Variants in FNBP1 observed in about 807,000 individuals in gnomAD.
FNBP1 encodes formin binding protein 1.
A neutral mutation model predicts 90.6 loss-of-function variants in FNBP1; 26 were observed. The ratio of observed to expected loss-of-function variants is 0.29; its 90% confidence interval spans 0.21 to 0.40. FNBP1 has a LOEUF of 0.40. Among genes scored for constraint, FNBP1 ranks in the 10% least tolerant of loss-of-function variants. The pLI is 1.00. For missense variants in FNBP1, 635 were observed against 768.0 expected (o/e 0.83, Z 2.05); for synonymous variants, 260 against 265.2 (o/e 0.98, Z 0.19).
In FNBP1 at chr9:129,934,481, CTTGAGAA is replaced by C. The variant is rs1318671095; in HGVS notation, c.514-4793_514-4787del. On this transcript the variant is annotated intron_variant, in intron 6 of 16. Coordinates refer to ENST00000446176, the MANE Select transcript of FNBP1 (RefSeq NM_015033.3). ...GTCCAACAGGAAGACAGAATTTAAA[CTTGAGAA>C]TTTTTTGACAAACCCTTGGGAATCT... 2.0e-5 allele frequency among the ~76,000 whole-genome samples: 3 copies of C among 152,112 alleles called. No homozygotes were observed. The East Asian group carries it at 5.8e-4, about 29-fold the overall frequency.
chr9:129,947,283 T>C (rs140042419), intron 6 of FNBP1, among the ~76,000 whole-genome samples: 80 of 151,868 alleles, frequency 5.3e-4, no homozygotes, highest in African/African-American at 1.8e-3. Context: ...TCTACTAAAA[T>C]ACAAAAATTA....
intron 1 of FNBP1, among the ~76,000 whole-genome samples, chr9:130,008,519 A>G (rs747757415): frequency 6.6e-6 from 1 of 152,190 alleles, no homozygotes; most frequent in Non-Finnish European, 1.5e-5. Context: ...TGGCTGCATC[A>G]ACACTGATGA....
intron 2 of FNBP1, among the ~76,000 whole-genome samples, chr9:129,994,454 T>C (rs2053683440): frequency 6.6e-6 from 1 of 152,238 alleles, no homozygotes; most frequent in African/African-American, 2.4e-5. Flanking sequence ...CAGGCTGGTC[T>C]TTCTGTTTCT....
intron 10 of FNBP1, among the ~76,000 whole-genome samples, chr9:129,917,339 T>G (rs765976742): frequency 1.3e-5 from 2 of 152,058 alleles, no homozygotes; most frequent in Non-Finnish European, 2.9e-5. Flanking sequence ...TATTTACTTA[T>G]CAATTTGCTG....
chr9:129,890,554 A>C lies in FNBP1; in HGVS notation c.1847-8T>G, dbSNP rs2034999383. ...GCACTCCCCTCTAGGAATCTACAAC[A>C]CAAAGAGAAACAGAAAGAGAAACTC... On this transcript the variant is annotated splice_polypyrimidine_tract_variant and splice_region_variant and intron_variant, in intron 16 of 16. Transcript: ENST00000446176. The surrounding 1 kb of genome is among the most constrained non-coding windows in gnomAD (Gnocchi z 5.8). 12 of 1,581,020 alleles carry C rather than the reference A, an allele frequency of 7.6e-6. No homozygotes were observed. Among genetic ancestry groups the C allele is most frequent in the Non-Finnish European group, 1.0e-5 (12 of 1,164,204 alleles).
intron 12 of FNBP1, among the ~76,000 whole-genome samples, chr9:129,906,075 G>A (rs1311277224): frequency 1.3e-5 from 2 of 151,776 alleles, no homozygotes; most frequent in Middle Eastern, 3.2e-3. Context: ...TAGAGATGGG[G>A]TTTCTTCATG....
chr9:129,907,161 C>T (rs979260131), intron 12 of FNBP1, among the ~76,000 whole-genome samples: 1 of 152,034 alleles, frequency 6.6e-6, no homozygotes, highest in South Asian at 2.1e-4. Flanking sequence ...TTGGCCCTTG[C>T]ATGGTATATC....
Position 129,978,571 on chromosome 9 carries a change from A to G in FNBP1, c.239T>C (p.Met80Thr). The change falls in exon 4 of 17, where the codon ATG becomes ACG. Residue 80 changes from methionine to threonine, a missense_variant. By Grantham distance (81) the Met-to-Thr change is moderately conservative. Transcript: ENST00000446176. ...CKAFISNLNE[M>T]NDYAGQHEVI... ...TTCATGCTGCCCTGCGTAATCATTCATTTCGTTCAGGTTGGAAATGAAAGC... is the reference window on the plus strand; with the variant it reads ...TTCATGCTGCCCTGCGTAATCATTCGTTTCGTTCAGGTTGGAAATGAAAGC... The G allele has an allele frequency of 6.2e-7, 1 of 1,613,806 alleles. No individual in the cohort carries two copies. The highest frequency in any genetic ancestry group is 8.5e-7 in the Non-Finnish European group (1 of 1,179,848).
chr9:130,001,761 C>T (rs1013010645), intron 1 of FNBP1, among the ~76,000 whole-genome samples: 3 of 150,702 alleles, frequency 2.0e-5, no homozygotes, highest in African/African-American at 7.3e-5. Context: ...TGGTGGCTCA[C>T]GGCTATAATC....
chr9:129,954,924 G>A (rs939625188), intron 6 of FNBP1, among the ~76,000 whole-genome samples: 1 of 152,028 alleles, frequency 6.6e-6, no homozygotes, highest in Non-Finnish European at 1.5e-5. Flanking sequence ...AACCCAGGAG[G>A]TGGAGATTGC....
At chr9:130,011,593 C>T (rs79992972) in intron 1 of FNBP1, among the ~76,000 whole-genome samples, 3,631 of 152,076 alleles carry the variant, frequency 0.024, 150 homozygotes, top group African/African-American at 0.082. Context: ...ACACCAACAC[C>T]TAGATAGCAC....
intron 6 of FNBP1, among the ~76,000 whole-genome samples, chr9:129,939,445 A>G (rs1047915480): frequency 1.3e-5 from 2 of 152,170 alleles, no homozygotes; most frequent in African/African-American, 4.8e-5. Flanking sequence ...ATATACTGTC[A>G]ATGAAGTAAA....
chr9:129,924,483 T>C (rs889274947), intron 9 of FNBP1, among the ~76,000 whole-genome samples: 1 of 152,202 alleles, frequency 6.6e-6, no homozygotes, highest in Non-Finnish European at 1.5e-5. Flanking sequence ...ATATTCTACG[T>C]CCCCAGGTTA....
Position 129,957,293 on chromosome 9 carries a change from C to T in FNBP1, c.513+67G>A. 6.1e-6 allele frequency: 7 copies of T among 1,148,326 alleles called. No homozygotes were observed. Among genetic ancestry groups the T allele is most frequent in the East Asian group, 2.4e-5 (1 of 42,260 alleles). 71.1% of individuals were successfully genotyped at this position (1,148,326 alleles called of 1,614,324 possible). On this transcript the variant is annotated intron_variant, in intron 6 of 16. Coordinates refer to ENST00000446176, the MANE Select transcript of FNBP1 (RefSeq NM_015033.3). The surrounding 1 kb of genome is among the most constrained non-coding windows in gnomAD (Gnocchi z 4.3). ...CCTCAGGTGATCCGCTCACCTCAGC[C>T]TCCCAAAGTGCTGGGATTACAGGCG...
chr9:130,000,601 A>C (rs924281303), intron 1 of FNBP1, among the ~76,000 whole-genome samples: 3 of 152,168 alleles, frequency 2.0e-5, no homozygotes, highest in African/African-American at 7.2e-5. Flanking sequence ...TTTGAATCAC[A>C]TTTGTTTATA....
At chr9:130,021,354 G>A (rs1178830688) in intron 1 of FNBP1, among the ~76,000 whole-genome samples, 2 of 152,234 alleles carry the variant, frequency 1.3e-5, no homozygotes, top group South Asian at 2.1e-4. Context: ...GTTATTTTCA[G>A]CCACATGCTG....
In FNBP1 at chr9:130,042,088, T is replaced by C. The variant is rs1353725949; in HGVS notation, c.24+864A>G. Reference sequence around the variant, plus strand: ...CGGGGACGGCAGGAAAAGAGCTCCATCCACAGCCAGCCCCTCGCCTTTCCG... The same window carrying C: ...CGGGGACGGCAGGAAAAGAGCTCCACCCACAGCCAGCCCCTCGCCTTTCCG... On this transcript the variant is annotated intron_variant, in intron 1 of 16. Coordinates refer to ENST00000446176, the MANE Select transcript of FNBP1 (RefSeq NM_015033.3). This position sits in a 1 kb window ranked among gnomAD's most constrained non-coding sequence, Gnocchi z 5.5. 6.6e-6 allele frequency among the ~76,000 whole-genome samples: 1 copy of C among 151,856 alleles called. No homozygotes were observed. The highest frequency in any genetic ancestry group is 1.5e-5 in the Non-Finnish European group (1 of 67,958).
rs371356512 is a variant in FNBP1, at chr9:129,997,181, G to A, written c.25-2223C>T. ...CTCTACTAAAAATACAAAAGTAGCC[G>A]GGCGTCATGGCAGGCACCTGTAATC... On this transcript the variant is annotated intron_variant, in intron 1 of 16. Transcript: ENST00000446176. 1.9e-4 allele frequency among the ~76,000 whole-genome samples: 29 copies of A among 151,972 alleles called. No individual in the cohort carries two copies. The South Asian group carries it at 4.8e-3, about 25-fold the overall frequency.
intron 1 of FNBP1, among the ~76,000 whole-genome samples, chr9:130,003,326 A>T (rs760802392): frequency 3.3e-5 from 5 of 152,076 alleles, no homozygotes; most frequent in Non-Finnish European, 7.4e-5. Flanking sequence ...GTATGGTGGC[A>T]CGCACCTGTA....
Sources: allele counts gnomAD v4.1 joint callset (sites outside exome capture counted in the v4.1 genomes callset), GRCh38; gene constraint gnomAD v4.1.1; non-coding constraint Gnocchi (gnomAD v3.1); transcripts MANE v1.5; gene names NCBI Gene and HGNC (gene_info 2026-07-23, HGNC 2026-07-21).